The following BIN3 variants were observed in gnomAD, a reference collection of about 807,000 sequenced individuals.
BIN3 encodes bridging integrator 3.
In BIN3, 41 loss-of-function variants were observed where a neutral mutation model predicts 38.2. That is an observed-to-expected ratio of 1.07 (90% CI 0.84 to 1.39). The LOEUF is 1.39. Ranked by LOEUF, BIN3 falls within the 40% of genes most tolerant of loss-of-function variation. BIN3 has a pLI of 0.00. For missense variants in BIN3, 361 were observed against 324.3 expected, an observed-to-expected ratio of 1.11 and a Z score of -0.87; for synonymous variants, 145 against 122.6, an observed-to-expected ratio of 1.18 and a Z score of -1.21.
chr8:22,636,716 C>G, intron 3 of BIN3, 130 bp from the exon 4 acceptor site: 2 of 1,086,184 alleles, frequency 1.8e-6, no homozygotes, highest in Non-Finnish European at 2.7e-6. Context: ...TTCCCGCTGA[C>G]TGAAGTGCCA....
intron 6 of BIN3, chr8:22,626,393 C>T (rs1802005158): frequency 1.3e-5 from 2 of 152,352 alleles, no homozygotes; most frequent in Admixed American, 1.3e-4. Flanking sequence ...GCTGGGGAGC[C>T]CTGCCCCCTT....
chr8:22,659,906 A>G (rs923655148), intron 1 of BIN3, among the ~76,000 whole-genome samples: 26 of 152,226 alleles, frequency 1.7e-4, no homozygotes, highest in African/African-American at 6.3e-4. Context: ...TAGTAGTGGT[A>G]TTTTGATGAC....
chr8:22,661,176 C>T (rs185844051), intron 1 of BIN3, among the ~76,000 whole-genome samples: 7 of 152,186 alleles, frequency 4.6e-5, no homozygotes, highest in East Asian at 1.9e-4. Context: ...TGAGCCACCT[C>T]GACTGGCCCC....
intron 4 of BIN3, 40 bp from the exon 5 acceptor site, chr8:22,630,618 G>C (rs749722833): frequency 1.2e-6 from 2 of 1,610,488 alleles, no homozygotes; most frequent in South Asian, 2.2e-5. Context: ...CTATGAAGGG[G>C]CAGGTTTCAC....
intron 6 of BIN3, 182 bp downstream of exon 6, chr8:22,629,782 G>A (rs1802125440): frequency 3.1e-6 from 2 of 643,892 alleles, no homozygotes; most frequent in African/African-American, 1.8e-5. Flanking sequence ...TGGGTACTCT[G>A]GAGCCCCCAG....
intron 4 of BIN3, among the ~76,000 whole-genome samples, chr8:22,634,108 C>A (rs990446719): frequency 2.3e-4 from 35 of 152,240 alleles, no homozygotes; most frequent in Non-Finnish European, 4.4e-4. Context: ...ATGCAGCTGT[C>A]TGCAGAAGCA....
chr8:22,622,091 G>A (rs532229961), intron 8 of BIN3, among the ~76,000 whole-genome samples: 6 of 152,340 alleles, frequency 3.9e-5, no homozygotes, highest in African/African-American at 1.4e-4. Flanking sequence ...ACAGCTCAGA[G>A]GCCAGGTTCA....
intron 1 of BIN3, among the ~76,000 whole-genome samples, chr8:22,662,102 TATC>T (rs1349597098): frequency 6.6e-6 from 1 of 152,186 alleles, no homozygotes; most frequent in Non-Finnish European, 1.5e-5. Context: ...GCCCATAACA[TATC>T]ATCATGTAAA....
At chr8:22,623,084 G>A (rs1006093035) in intron 8 of BIN3, among the ~76,000 whole-genome samples, 6 of 152,186 alleles carry the variant, frequency 3.9e-5, no homozygotes, top group African/African-American at 9.7e-5. Context: ...CAGACCACCC[G>A]GGCCAGGAGG....
intron 1 of BIN3, among the ~76,000 whole-genome samples, chr8:22,656,627 G>A (rs1158403253): frequency 6.6e-6 from 1 of 152,176 alleles, no homozygotes; most frequent in Non-Finnish European, 1.5e-5. Context: ...TGGTAAGAAT[G>A]CTTTACATCT....
At chr8:22,655,192 G>A (rs1015318688) in intron 1 of BIN3, among the ~76,000 whole-genome samples, 1 of 152,100 alleles carries the variant, frequency 6.6e-6, no homozygotes, top group African/African-American at 2.4e-5. Flanking sequence ...CTGGGTATTA[G>A]CCCATAATCA....
chr8:22,668,401 G>A (rs1803496455), intron 1 of BIN3, among the ~76,000 whole-genome samples: 1 of 152,172 alleles, frequency 6.6e-6, no homozygotes, highest in African/African-American at 2.4e-5. Context: ...TTTTCTCATG[G>A]CATGATAGTT....
intron 1 of BIN3, among the ~76,000 whole-genome samples, chr8:22,667,332 T>G (rs1247984822): frequency 1.3e-5 from 2 of 152,166 alleles, no homozygotes; most frequent in African/African-American, 2.4e-5. Flanking sequence ...GTGAGACAGG[T>G]GGAAACAACC....
At chr8:22,660,567 A>G (rs1803200184) in intron 1 of BIN3, among the ~76,000 whole-genome samples, 1 of 152,234 alleles carries the variant, frequency 6.6e-6, no homozygotes, top group Non-Finnish European at 1.5e-5. Context: ...GCTGGATGGA[A>G]ACTGACTTCT....
chr8:22,621,284 GTCAT>G lies in BIN3; in HGVS notation c.*134_*137del, dbSNP rs1358790372. The stretch of plus-strand genomic sequence containing the variant: ...GCTCCTGGTGCCAGGCTCAGGAAGA[GTCAT>G]TCATTGCAAAGGGCCGGCAAGTGAA... On this transcript the variant is annotated 3_prime_UTR_variant, in exon 9 of 9. Coordinates refer to ENST00000276416, the MANE Select transcript of BIN3 (RefSeq NM_018688.6). The G allele has an allele frequency of 1.8e-5, 21 of 1,181,074 alleles. No individual in the cohort carries two copies. The highest frequency in any genetic ancestry group is 2.3e-5 in the Non-Finnish European group (20 of 858,816). 73.2% of individuals were successfully genotyped at this position (1,181,074 alleles called of 1,614,324 possible). A position where few individuals can be genotyped will look rare whatever the true frequency, so the allele number is the denominator to read the frequency against.
intron 6 of BIN3, chr8:22,625,363 G>A (rs1300610126): frequency 1.4e-6 from 1 of 702,636 alleles, no homozygotes. Context: ...GGGAGCTCAT[G>A]ACTCTGTGGC....
intron 1 of BIN3, among the ~76,000 whole-genome samples, chr8:22,656,223 G>GTTTTTT (rs71206533): frequency 1.5e-5 from 2 of 137,178 alleles, no homozygotes; most frequent in African/African-American, 5.4e-5. Flanking sequence ...GGTCTTAAGG[G>GTTTTTT]TTTTTTTTTT....
intron 1 of BIN3, among the ~76,000 whole-genome samples, chr8:22,668,622 T>C (rs766471325): frequency 1.3e-5 from 2 of 152,180 alleles, no homozygotes; most frequent in Non-Finnish European, 2.9e-5. Context: ...TGGGTTTTGA[T>C]TAGTGAACTG....
intron 6 of BIN3, 158 bp downstream of exon 6, chr8:22,629,806 T>C (rs1334280170): frequency 4.1e-6 from 3 of 738,446 alleles, no homozygotes; most frequent in Non-Finnish European, 4.6e-6. Flanking sequence ...CATGGACGCT[T>C]AGGCCACAGG....
Sources: allele counts gnomAD v4.1 joint callset (sites outside exome capture counted in the v4.1 genomes callset), GRCh38; gene constraint gnomAD v4.1.1; transcripts MANE v1.5; gene names NCBI Gene and HGNC (gene_info 2026-07-23, HGNC 2026-07-21).